MIA2: variants seen among roughly 807,000 people sequenced by gnomAD.
The protein encoded by MIA2 is MIA SH3 domain ER export factor 2, also known as melanoma inhibitory activity protein 2.
In MIA2, 127 loss-of-function variants were observed where a neutral mutation model predicts 167.8. That is an observed-to-expected ratio of 0.76 (90% CI 0.66 to 0.88). The LOEUF is 0.88. MIA2 is among the 40% of genes least tolerant of loss of function. The pLI, the probability that MIA2 is intolerant of heterozygous loss-of-function variation, is 0.00. For synonymous variants in MIA2, 552 were observed against 541.9 expected (o/e 1.02, Z -0.26); for missense variants, 1,690 against 1,624.7 (o/e 1.04, Z -0.69).
intron 21 of MIA2, among the ~76,000 whole-genome samples, chr14:39,316,096 A>T (rs1373669029): frequency 6.6e-6 from 1 of 152,218 alleles, no homozygotes; most frequent in Non-Finnish European, 1.5e-5. Flanking sequence ...AGATTAAGTG[A>T]TCTTAGAAGC....
chr14:39,366,882 A>C (rs1339484963), intron 23 of MIA2, among the ~76,000 whole-genome samples: 1 of 152,190 alleles, frequency 6.6e-6, no homozygotes, highest in Non-Finnish European at 1.5e-5. Context: ...TAGGGAGGAC[A>C]AACTTCAACC....
intron 2 of MIA2, among the ~76,000 whole-genome samples, chr14:39,239,707 C>T (rs945099827): frequency 6.6e-6 from 1 of 152,080 alleles, no homozygotes; most frequent in Non-Finnish European, 1.5e-5. Flanking sequence ...ATAATGGTTC[C>T]ACACAAAAGC....
At chr14:39,299,085 A>T (rs1240379777) in intron 13 of MIA2, among the ~76,000 whole-genome samples, 3 of 149,420 alleles carry the variant, frequency 2.0e-5, no homozygotes, top group Non-Finnish European at 4.5e-5. Context: ...AAAAAAAAAA[A>T]AAAAAAAAAA....
intron 23 of MIA2, among the ~76,000 whole-genome samples, chr14:39,376,500 G>A (rs1026624779): frequency 6.6e-6 from 1 of 152,098 alleles, no homozygotes; most frequent in Non-Finnish European, 1.5e-5. Flanking sequence ...ACAAATTTAT[G>A]AAAACAGAAA....
At chr14:39,266,794 G>A in intron 6 of MIA2, 3 of 835,952 alleles carry the variant, frequency 3.6e-6, no homozygotes, top group Non-Finnish European at 4.3e-6. Context: ...GCTGCGGAAG[G>A]AAAGCCTTGG....
chr14:39,265,321 T>C, intron 6 of MIA2: 1 of 1,154,150 alleles, frequency 8.7e-7, no homozygotes, highest in Non-Finnish European at 1.3e-6. Flanking sequence ...ATCTGAAATC[T>C]TTCTCAAGGA....
chr14:39,277,692 G>GTATA lies in MIA2; in HGVS notation c.2019+647_2019+650dup, dbSNP rs1205916344. On this transcript the variant is annotated intron_variant, in intron 7 of 28. Transcript: ENST00000640607. ...ATCTTTTATATATATATATATGTGT[G>GTATA]TATATATATATATATATATATATGT... Among the ~76,000 whole-genome samples the GTATA allele has an allele frequency of 7.4e-3, 32 of 4,352 alleles. 6 individuals are homozygous for GTATA. The highest frequency in any genetic ancestry group is 0.05 in the East Asian group (5 of 100). 2.9% of individuals were successfully genotyped at this position (4,352 alleles called of 152,430 possible). A position where few individuals can be genotyped will look rare whatever the true frequency, so the allele number is the denominator to read the frequency against.
intron 18 of MIA2, among the ~76,000 whole-genome samples, chr14:39,309,153 T>C (rs1181813081): frequency 2.0e-5 from 3 of 152,188 alleles, no homozygotes; most frequent in African/African-American, 7.2e-5. Flanking sequence ...GTCCAAGTCA[T>C]CAACAGTTAA....
At chr14:39,313,055 TTAAA>T (rs2064629406) in intron 18 of MIA2, among the ~76,000 whole-genome samples, 1 of 152,128 alleles carries the variant, frequency 6.6e-6, no homozygotes, top group Non-Finnish European at 1.5e-5. Flanking sequence ...ATAGTTTTTA[TTAAA>T]TATATCTTTG....
intron 6 of MIA2, among the ~76,000 whole-genome samples, chr14:39,262,845 T>A (rs1026816774): frequency 1.3e-5 from 2 of 152,178 alleles, no homozygotes; most frequent in African/African-American, 4.8e-5. Flanking sequence ...AGAATGCTTG[T>A]GATTTTTGCA....
At chr14:39,354,655 T>G (rs2074475653), downstream of MIA2, among the ~76,000 whole-genome samples, 1 of 152,220 alleles carries the variant, frequency 6.6e-6, no homozygotes, top group Non-Finnish European at 1.5e-5. Context: ...TCCTGAATGG[T>G]ATTGCCTAGG....
Position 39,247,005 on chromosome 14 carries a change from A to G in MIA2, c.431A>G (p.Tyr144Cys). The G allele has an allele frequency of 6.3e-7, 1 of 1,584,990 alleles. No individual in the cohort carries two copies. The highest frequency in any genetic ancestry group is 1.2e-5 in the South Asian group (1 of 85,110). The change falls in exon 4 of 29, where the codon TAT becomes TGT. Residue 144 changes from tyrosine (Y) to cysteine (C), a missense_variant. Coordinates refer to ENST00000640607, the MANE Select transcript of MIA2 (RefSeq NM_001329214.4). ...GATTATGGTGAAAATATATATCCTTATGAAGAAGATAAAGATGAAAAATCT... is the reference window on the plus strand; with the variant it reads ...GATTATGGTGAAAATATATATCCTTGTGAAGAAGATAAAGATGAAAAATCT... ...NGDYGENIYP[Y>C]EEDKDEKSSI...
intron 23 of MIA2, among the ~76,000 whole-genome samples, chr14:39,372,452 A>G (rs1173417693): frequency 6.6e-6 from 1 of 152,218 alleles, no homozygotes; most frequent in Middle Eastern, 3.2e-3. Context: ...AGAACAATTA[A>G]GGATGTATAT....
chr14:39,354,588 G>T (rs527675629), downstream of MIA2, among the ~76,000 whole-genome samples: 27 of 152,256 alleles, frequency 1.8e-4, no homozygotes, highest in African/African-American at 5.5e-4. Context: ...GGCAATTTTG[G>T]CTTTTGTTGC....
At chr14:39,236,015 G>A (rs1020060434) in intron 1 of MIA2, among the ~76,000 whole-genome samples, 17 of 152,006 alleles carry the variant, frequency 1.1e-4, no homozygotes, top group African/African-American at 3.9e-4. Context: ...GCTGAATCTG[G>A]CATATGTGGC....
At chr14:39,293,802 T>C (rs956109) in intron 11 of MIA2, among the ~76,000 whole-genome samples, 198 bp from the exon 12 acceptor site, 83,200 of 152,062 alleles carry the variant, frequency 0.55, 24,499 homozygotes, top group South Asian at 0.67. Context: ...TTATGAAATA[T>C]TAAAGTTATG....
Position 39,292,527 on chromosome 14 carries a change from G to A in MIA2, c.2209-744G>A, listed in dbSNP as rs114225395. ...CAAACCAGTAGAGTAATTTTCATTC[G>A]GGTCAGGGAATTCCTAGAATGAAAT... On this transcript the variant is annotated intron_variant, in intron 10 of 28. Coordinates refer to ENST00000640607, the MANE Select transcript of MIA2 (RefSeq NM_001329214.4). 9.4e-3 allele frequency among the ~76,000 whole-genome samples: 1,425 copies of A among 152,104 alleles called. 24 individuals carry two copies. The highest frequency in any genetic ancestry group is 0.032 in the African/African-American group (1,311 of 41,498).
intron 9 of MIA2, among the ~76,000 whole-genome samples, chr14:39,283,199 T>C (rs1169835751): frequency 6.6e-6 from 1 of 152,234 alleles, no homozygotes; most frequent in Non-Finnish European, 1.5e-5. Context: ...GCAGTGAACA[T>C]GGGCATGCAG....
At chr14:39,329,990 A>T (rs1053017295) in intron 25 of MIA2, among the ~76,000 whole-genome samples, 4 of 152,224 alleles carry the variant, frequency 2.6e-5, no homozygotes, top group Non-Finnish European at 5.9e-5. Context: ...TCATAAAATG[A>T]GCTAGGGAGG....
Sources: allele counts gnomAD v4.1 joint callset (sites outside exome capture counted in the v4.1 genomes callset), GRCh38; gene constraint gnomAD v4.1.1; transcripts MANE v1.5; gene names NCBI Gene and HGNC (gene_info 2026-07-23, HGNC 2026-07-21).